Variants in FRMD4A observed in about 807,000 individuals in gnomAD.
The protein encoded by FRMD4A is FERM domain containing 4A.
A neutral mutation model predicts 129.1 loss-of-function variants in FRMD4A; 29 were observed. The ratio of observed to expected loss-of-function variants is 0.22; its 90% CI spans 0.17 to 0.31. FRMD4A has a LOEUF of 0.31. Among genes scored for constraint, FRMD4A ranks in the 10% least tolerant of loss-of-function variants. The probability of loss-of-function intolerance (pLI) is 1.00; values close to 1 mark genes in which losing one functional copy is unlikely to be tolerated. For synonymous variants in FRMD4A, 634 were observed against 571.6 expected, an observed-to-expected ratio of 1.11 and a Z score of -1.56; for missense variants, 1,272 against 1,375.8, an observed-to-expected ratio of 0.92 and a Z score of 1.19.
chr10:13,931,775 T>TAAAA (rs59824238), intron 2 of FRMD4A, among the ~76,000 whole-genome samples: 24,605 of 128,614 alleles, frequency 0.19, 2,630 homozygotes, highest in Middle Eastern at 0.3. Flanking sequence ...TCATCTTTAC[T>TAAAA]AAAAAAAAAA....
intron 2 of FRMD4A, among the ~76,000 whole-genome samples, chr10:14,160,484 C>G (rs1041043600): frequency 6.6e-6 from 1 of 152,146 alleles, no homozygotes; most frequent in Non-Finnish European, 1.5e-5. Flanking sequence ...AAGAAACACT[C>G]AACAGAGTGG....
chr10:14,275,166 A>C (rs1400700865), intron 2 of FRMD4A, among the ~76,000 whole-genome samples: 1 of 152,208 alleles, frequency 6.6e-6, no homozygotes, highest in African/African-American at 2.4e-5. Context: ...GTCCCACTCC[A>C]GATTCATGGA....
chr10:13,945,663 G>A (rs556118260), intron 2 of FRMD4A, among the ~76,000 whole-genome samples: 3 of 152,306 alleles, frequency 2.0e-5, no homozygotes, highest in South Asian at 2.1e-4. Context: ...CTCACAAAGT[G>A]TGTTATATAA....
At chr10:14,329,381 G>A (rs1843419536) in intron 2 of FRMD4A, among the ~76,000 whole-genome samples, 1 of 152,188 alleles carries the variant, frequency 6.6e-6, no homozygotes, top group African/African-American at 2.4e-5. Context: ...ACAAGACAGT[G>A]CCCATGTCCT....
intron 14 of FRMD4A, among the ~76,000 whole-genome samples, chr10:13,697,135 C>T (rs749639115): frequency 1.3e-5 from 2 of 150,006 alleles, no homozygotes; most frequent in Non-Finnish European, 2.9e-5. Flanking sequence ...CTTATGGAAG[C>T]TTTAGCAAAC....
At chr10:13,862,276 T>C (rs138481384) in intron 2 of FRMD4A, among the ~76,000 whole-genome samples, 35 of 152,336 alleles carry the variant, frequency 2.3e-4, no homozygotes, top group Admixed American at 2.0e-3. Context: ...ATAAATTTTA[T>C]GAAAACAAAT....
chr10:13,748,264 C>T (rs1218185608), intron 8 of FRMD4A, among the ~76,000 whole-genome samples: 4 of 152,162 alleles, frequency 2.6e-5, no homozygotes, highest in African/African-American at 4.8e-5. Flanking sequence ...TCCCTAAGAG[C>T]ATTTGCGCTG....
At chr10:14,330,434 G>A (rs1201074323) in intron 1 of FRMD4A, among the ~76,000 whole-genome samples, 163 bp downstream of exon 1, 12 of 152,146 alleles carry the variant, frequency 7.9e-5, no homozygotes, top group Admixed American at 7.9e-4. Context: ...TTAGAACACG[G>A]AATGTTTAAC....
chr10:14,139,644 C>A (rs912265200), intron 2 of FRMD4A, among the ~76,000 whole-genome samples: 8 of 151,812 alleles, frequency 5.3e-5, no homozygotes, highest in Admixed American at 3.9e-4. Flanking sequence ...GAGATGGGGT[C>A]TTGCCATGTT....
intron 2 of FRMD4A, among the ~76,000 whole-genome samples, chr10:14,185,711 CAGTAGTTCTAGAGAG>C (rs1202168346): frequency 2.6e-5 from 4 of 152,156 alleles, no homozygotes; most frequent in Non-Finnish European, 5.9e-5. Flanking sequence ...GTGGCACCTT[CAGTAGTTCTAGAGAG>C]AAGGGATGGC....
intron 2 of FRMD4A, among the ~76,000 whole-genome samples, chr10:14,009,349 T>TA: frequency 6.6e-6 from 1 of 152,268 alleles, no homozygotes; most frequent in Non-Finnish European, 1.5e-5. Context: ...CATTTCTACA[T>TA]ACACTGCTTC....
intron 2 of FRMD4A, among the ~76,000 whole-genome samples, chr10:13,859,400 T>C (rs1448768112): frequency 6.6e-6 from 1 of 152,006 alleles, no homozygotes; most frequent in African/African-American, 2.4e-5. Context: ...AAAGAAAATA[T>C]CAATTGAGCA....
rs1001835806 is a variant in FRMD4A at position 13,793,186 on chromosome 10, T to G, written c.299+3310A>C. On this transcript the variant is annotated intron_variant, in intron 5 of 24. Transcript: ENST00000357447. ...ACCCTCTGTTTCTTTTTTTTTTTTT[T>G]TGTGAGATGGGGTCTTGCTCTGTTG... is the stretch of plus-strand genomic sequence containing the variant. 3.7e-4 allele frequency among the ~76,000 whole-genome samples: 56 copies of G among 151,998 alleles called. 1 individual carries two copies. Among genetic ancestry groups the G allele is most frequent in the South Asian group, 2.1e-4 (1 of 4,806 alleles).
chr10:14,176,601 A>T (rs1841738026), intron 2 of FRMD4A, among the ~76,000 whole-genome samples: 1 of 150,116 alleles, frequency 6.7e-6, no homozygotes, highest in Non-Finnish European at 1.5e-5. Flanking sequence ...CAGCCTCCCG[A>T]GTAGCTGGGA....
chr10:14,262,140 T>C (rs933877464), intron 2 of FRMD4A, among the ~76,000 whole-genome samples: 1 of 152,180 alleles, frequency 6.6e-6, no homozygotes, highest in African/African-American at 2.4e-5. Context: ...GGAAAACCCA[T>C]CTTCGAGCGG....
chr10:13,864,193 A>C (rs1351030266), intron 2 of FRMD4A, among the ~76,000 whole-genome samples: 1 of 151,694 alleles, frequency 6.6e-6, no homozygotes. Flanking sequence ...ACGGGGTTTC[A>C]CCACGTTGGC....
At chr10:13,835,435 C>T (rs1417401090) in intron 3 of FRMD4A, among the ~76,000 whole-genome samples, 1 of 152,152 alleles carries the variant, frequency 6.6e-6, no homozygotes, top group Non-Finnish European at 1.5e-5. Flanking sequence ...GGGCCACGGA[C>T]CAGTACAGGA....
chr10:14,152,456 A>G (rs1840388187), intron 2 of FRMD4A, among the ~76,000 whole-genome samples: 1 of 152,144 alleles, frequency 6.6e-6, no homozygotes, highest in African/African-American at 2.4e-5. Context: ...GGAAAAGTCT[A>G]AAGACAGTTA....
chr10:13,857,557 G>T (rs1266566491), intron 3 of FRMD4A, among the ~76,000 whole-genome samples: 1 of 152,086 alleles, frequency 6.6e-6, no homozygotes, highest in Non-Finnish European at 1.5e-5. Context: ...CCTATTAAAA[G>T]TATTCACTCA....
Sources: gnomAD v4.1 joint callset for allele counts (sites outside exome capture counted in the v4.1 genomes callset) on GRCh38, gnomAD v4.1.1 for gene constraint, MANE v1.5 for transcripts, NCBI Gene and HGNC (gene_info 2026-07-23, HGNC 2026-07-21) for gene names.